MTOR: variants seen among roughly 807,000 people sequenced by gnomAD.
MTOR encodes mechanistic target of rapamycin kinase.
A neutral mutation model predicts 319.8 loss-of-function variants in MTOR; 70 were observed. That is an observed-to-expected ratio of 0.22 (90% CI 0.18 to 0.27). MTOR has a LOEUF of 0.27. Among genes scored for constraint, MTOR ranks in the 10% least tolerant of loss-of-function variants. The probability of loss-of-function intolerance (pLI) is 1.00; values close to 1 mark genes in which losing one functional copy is unlikely to be tolerated. For synonymous variants in MTOR, 1,183 were observed against 1,211.4 expected (o/e 0.98, Z 0.49); for missense variants, 1,890 against 3,274.4 (o/e 0.58, Z 10.32).
intron 1 of MTOR, among the ~76,000 whole-genome samples, chr1:11,260,536 C>A: frequency 6.7e-6 from 1 of 150,228 alleles, no homozygotes. Context: ...GAGCAAAACT[C>A]CATCTCAATT....
intron 5 of MTOR, 96 bp from the exon 6 acceptor site, chr1:11,254,069 AC>A: frequency 2.1e-6 from 3 of 1,439,088 alleles, no homozygotes; most frequent in Non-Finnish European, 2.9e-6. Context: ...CTGAGGTGCT[AC>A]CACGCCTGCT....
intron 28 of MTOR, chr1:11,193,545 G>C: frequency 1.3e-6 from 2 of 1,543,770 alleles, no homozygotes; most frequent in Non-Finnish European, 1.7e-6. Context: ...TTCTGCCCCT[G>C]CAAGTCCCTC....
At position 11,258,627 on chromosome 1, in the gene MTOR, A is replaced by G. The variant is rs770928747; in HGVS notation, c.163-34T>C. 16 of 1,515,702 alleles carry G rather than the reference A, an allele frequency of 1.1e-5. No homozygotes were observed. In the East Asian group the frequency reaches 3.4e-4, roughly 32 times the overall value. The allele number at this position is 1,515,702 out of a possible 1,614,324, so 93.9% of individuals were successfully genotyped here. A position where few individuals can be genotyped will look rare whatever the true frequency, so the allele number is the denominator to read the frequency against. On this transcript the variant is annotated intron_variant, in intron 2 of 57. Transcript: ENST00000361445. ...GAAGATATAATCAGAACAATTTCTA[A>G]TAATTCTCTAACTGTGGTGGTGGGA...
chr1:11,188,788 T>C (rs186968158), intron 28 of MTOR, among the ~76,000 whole-genome samples: 1 of 152,338 alleles, frequency 6.6e-6, no homozygotes, highest in African/African-American at 2.4e-5. Flanking sequence ...CTAGAACTTT[T>C]CTAAGTTGGA....
intron 49 of MTOR, among the ~76,000 whole-genome samples, chr1:11,119,756 A>C (rs1048655137): frequency 1.4e-4 from 21 of 151,336 alleles, no homozygotes; most frequent in African/African-American, 4.4e-4. Flanking sequence ...AAAAAAAAAA[A>C]ACAAAACAAA....
intron 38 of MTOR, chr1:11,131,112 T>C (rs570280757): frequency 8.1e-5 from 27 of 334,230 alleles, no homozygotes; most frequent in Non-Finnish European, 1.1e-4. Flanking sequence ...CAAGGCACAA[T>C]GGGAGTAGCA....
chr1:11,207,409 C>CTTTTTTTTT (rs386366225), intron 25 of MTOR, among the ~76,000 whole-genome samples: 2 of 114,174 alleles, frequency 1.8e-5, no homozygotes, highest in African/African-American at 3.2e-5. Context: ...CCCCCTACCT[C>CTTTTTTTTT]TTTTTTTTTT....
chr1:11,126,862 A>G, intron 45 of MTOR, 66 bp from the exon 46 acceptor site: 1 of 1,585,600 alleles, frequency 6.3e-7, no homozygotes, highest in Non-Finnish European at 8.6e-7. Flanking sequence ...CAATTTAAGT[A>G]TTTTTCAGTG....
intron 25 of MTOR, among the ~76,000 whole-genome samples, chr1:11,208,200 C>G (rs914908244): frequency 2.0e-5 from 3 of 152,224 alleles, no homozygotes; most frequent in Admixed American, 6.5e-5. Context: ...CCTTTTTCTT[C>G]CTCCTAAAGT....
In MTOR at chr1:11,114,895, A is replaced by ATAATAAATGG; in HGVS notation, c.7090-18_7090-9dup. The ATAATAAATGG allele has an allele frequency of 6.2e-7, 1 of 1,613,384 alleles. No homozygotes were observed. ...CTCTCGGGTCATAGCAACCTACAGA[A>ATAATAAATGG]TAATAAATGGGAAAAGCCAAATCAA... On this transcript the variant is annotated splice_polypyrimidine_tract_variant and intron_variant, in intron 51 of 57. Transcript: ENST00000361445.
At position 11,107,441 on chromosome 1, in the gene MTOR, C is replaced by T. The variant is rs1164885056; in HGVS notation, c.*44G>A. 4 of 1,600,612 alleles carry T rather than the reference C, an allele frequency of 2.5e-6. No individual in the cohort carries two copies. The highest frequency in any genetic ancestry group is 3.4e-6 in the Non-Finnish European group (4 of 1,176,870). On this transcript the variant is annotated 3_prime_UTR_variant, in exon 58 of 58. Transcript: ENST00000361445. Reference sequence around the variant, plus strand: ...TTTAGTGGAAGCATTTACTAAAGTACAAAAGCCTCAGAAAAAACGTGATGG... The same window carrying T: ...TTTAGTGGAAGCATTTACTAAAGTATAAAAGCCTCAGAAAAAACGTGATGG...
chr1:11,185,024 A>T (rs960380807), intron 28 of MTOR, among the ~76,000 whole-genome samples: 5 of 152,134 alleles, frequency 3.3e-5, no homozygotes, highest in Non-Finnish European at 7.4e-5. Flanking sequence ...TGCTTACAAC[A>T]TCCTCTCCCA....
intron 29 of MTOR, among the ~76,000 whole-genome samples, chr1:11,159,259 C>A (rs1644403432): frequency 6.6e-6 from 1 of 152,188 alleles, no homozygotes; most frequent in Admixed American, 6.5e-5. Context: ...CTTCTCTCTG[C>A]AAACAAGGAT....
At chr1:11,211,519 T>C (rs4845982) in intron 23 of MTOR, among the ~76,000 whole-genome samples, 98,707 of 152,038 alleles carry the variant, frequency 0.65, 34,161 homozygotes, top group East Asian at 0.91. Flanking sequence ...AGGCACGTGT[T>C]CCTACGCCTG....
chr1:11,168,024 C>T (rs937511822), intron 28 of MTOR, among the ~76,000 whole-genome samples: 16 of 151,602 alleles, frequency 1.1e-4, no homozygotes, highest in Non-Finnish European at 1.6e-4. Flanking sequence ...GAGCCGAGAC[C>T]GTGCCACTGC....
chr1:11,129,673 G>C lies in MTOR; in HGVS notation c.5714+65C>G. The stretch of plus-strand genomic sequence containing the variant: ...TCAGGAAGGGAAAGAGGACTTTTAC[G>C]TGTGACTTCTAGGTCTTGCCATTAA... On this transcript the variant is annotated intron_variant, in intron 40 of 57. Coordinates refer to ENST00000361445, the MANE Select transcript of MTOR (RefSeq NM_004958.4). This position sits in a 1 kb window ranked among gnomAD's most constrained non-coding sequence, Gnocchi z 4.7. 2 of 1,426,082 alleles carry C rather than the reference G, an allele frequency of 1.4e-6. No individual in the cohort carries two copies. Among genetic ancestry groups the C allele is most frequent in the Non-Finnish European group, 2.0e-6 (2 of 1,018,132 alleles). 88.3% of individuals were successfully genotyped at this position (1,426,082 alleles called of 1,614,324 possible).
rs942829535 is a variant in MTOR, at chr1:11,232,944, C to T, written c.2422-416G>A. The T allele has an allele frequency of 1.5e-5, 11 of 754,246 alleles. No homozygotes were observed. The Admixed American group carries it at 1.9e-4, about 13-fold the overall frequency. 46.7% of individuals were successfully genotyped at this position (754,246 alleles called of 1,614,324 possible). A position where few individuals can be genotyped will look rare whatever the true frequency, so the allele number is the denominator to read the frequency against. ...CCTTTCTCCACCATCATGGTGTGTG[C>T]CTGACTCTGATTCTTGCCATTCTTC... On this transcript the variant is annotated intron_variant, in intron 15 of 57. Coordinates refer to ENST00000361445, the MANE Select transcript of MTOR (RefSeq NM_004958.4).
chr1:11,149,356 T>C (rs1425274560), intron 31 of MTOR: 2 of 151,934 alleles, frequency 1.3e-5, no homozygotes, highest in African/African-American at 2.4e-5. Context: ...GGTGAAGAGG[T>C]TGAAAATGAA....
At chr1:11,190,179 T>A (rs771919549) in intron 28 of MTOR, among the ~76,000 whole-genome samples, 1 of 152,360 alleles carries the variant, frequency 6.6e-6, no homozygotes, top group Admixed American at 6.5e-5. Context: ...CCTACCATCT[T>A]GGAGTGCTGA....
Sources: gnomAD v4.1 joint callset for allele counts (sites outside exome capture counted in the v4.1 genomes callset) on GRCh38, gnomAD v4.1.1 for gene constraint, Gnocchi (gnomAD v3.1) non-coding constraint, MANE v1.5 for transcripts, NCBI Gene and HGNC (gene_info 2026-07-23, HGNC 2026-07-21) for gene names.